SND1: variants seen among roughly 807,000 people sequenced by gnomAD.
SND1 encodes the protein staphylococcal nuclease domain-containing protein 1.
A neutral mutation model predicts 121.7 loss-of-function variants in SND1; 38 were observed. That is an observed-to-expected ratio of 0.31 (90% CI 0.24 to 0.41). SND1 has a LOEUF of 0.41. Ranked by LOEUF, SND1 falls within the 10% of genes least tolerant of loss-of-function variation. The pLI is 1.00. For synonymous variants in SND1, 401 were observed against 447.4 expected, an observed-to-expected ratio of 0.90 and a Z score of 1.31; for missense variants, 868 against 1,184.6, an observed-to-expected ratio of 0.73 and a Z score of 3.92.
intron 16 of SND1, among the ~76,000 whole-genome samples, chr7:128,010,113 A>T (rs192778025): frequency 2.6e-5 from 4 of 152,340 alleles, no homozygotes; most frequent in African/African-American, 9.6e-5. Flanking sequence ...GAATTCCCAG[A>T]TCATCCAGGC....
At chr7:127,862,718 C>T (rs190036813) in intron 12 of SND1, among the ~76,000 whole-genome samples, 1 of 152,274 alleles carries the variant, frequency 6.6e-6, no homozygotes, top group East Asian at 1.9e-4. Context: ...TGAATCTTGC[C>T]TCTGTAGTGG....
intron 10 of SND1, among the ~76,000 whole-genome samples, chr7:127,789,304 T>C (rs1797868785): frequency 6.6e-6 from 1 of 152,178 alleles, no homozygotes; most frequent in Non-Finnish European, 1.5e-5. Flanking sequence ...ATTAACCCAG[T>C]TAAGAAGCTT....
intron 10 of SND1, among the ~76,000 whole-genome samples, chr7:127,762,798 C>T (rs567954943): frequency 6.6e-6 from 1 of 152,298 alleles, no homozygotes; most frequent in East Asian, 1.9e-4. Flanking sequence ...GTAGCTGTTA[C>T]AGGTTTGTAA....
At chr7:127,725,960 G>A (rs1587622619) in intron 10 of SND1, among the ~76,000 whole-genome samples, 1 of 152,080 alleles carries the variant, frequency 6.6e-6, no homozygotes, top group East Asian at 1.9e-4. Flanking sequence ...TTCTTCCTCC[G>A]AGACAACTCT....
intron 14 of SND1, among the ~76,000 whole-genome samples, chr7:127,921,442 G>C (rs1005145486): frequency 1.3e-5 from 2 of 152,050 alleles, no homozygotes; most frequent in African/African-American, 4.8e-5. Context: ...ATGAATGGGT[G>C]GTTAATTTTG....
chr7:127,686,851 T>C, intron 2 of SND1, 89 bp downstream of exon 2: 1 of 1,404,870 alleles, frequency 7.1e-7, no homozygotes, highest in Non-Finnish European at 9.8e-7. Context: ...ATGTACTCTT[T>C]CTTTGTATTT....
intron 1 of SND1, among the ~76,000 whole-genome samples, chr7:127,662,706 T>C (rs1326592693): frequency 6.6e-6 from 1 of 152,144 alleles, no homozygotes; most frequent in Non-Finnish European, 1.5e-5. Flanking sequence ...AGACTATTCC[T>C]GAAAGCCACT....
intron 20 of SND1, 185 bp from the exon 21 acceptor site, chr7:128,086,753 G>A (rs1793693924): frequency 1.6e-6 from 1 of 637,868 alleles, no homozygotes; most frequent in Non-Finnish European, 2.8e-6. Context: ...GGACCAGCAG[G>A]GCACGTTCTC....
At position 127,686,606 on chromosome 7, in the gene SND1, T is replaced by C. The variant is rs1451136016; in HGVS notation, c.79-7T>C. 2.5e-6 allele frequency: 4 copies of C among 1,611,556 alleles called. No homozygotes were observed. In the Admixed American group the frequency reaches 5.0e-5, roughly 20 times the overall value. On this transcript the variant is annotated splice_polypyrimidine_tract_variant and splice_region_variant and intron_variant, in intron 1 of 23. Coordinates refer to ENST00000354725, the MANE Select transcript of SND1 (RefSeq NM_014390.4). ...CCATTCATTTTCTCTTTCTTCCCCC[T>C]ACGTAGGTCCTCTCAGGGTGCGCCA... is the stretch of plus-strand genomic sequence containing the variant.
intron 10 of SND1, among the ~76,000 whole-genome samples, chr7:127,776,963 G>A (rs545652036): frequency 6.6e-6 from 1 of 152,304 alleles, no homozygotes; most frequent in African/African-American, 2.4e-5. Context: ...TTCAGGGAAA[G>A]CACATTCCTC....
At chr7:127,987,710 G>A (rs189017254) in intron 15 of SND1, among the ~76,000 whole-genome samples, 1 of 150,964 alleles carries the variant, frequency 6.6e-6, no homozygotes, top group African/African-American at 2.5e-5. Flanking sequence ...TTTCAAACTG[G>A]GTATTTGTCC....
rs914186575 is a variant in SND1 at position 128,044,653 on chromosome 7, C to T, written c.1780-29849C>T. On this transcript the variant is annotated intron_variant, in intron 16 of 23. Coordinates refer to ENST00000354725, the MANE Select transcript of SND1 (RefSeq NM_014390.4). ...CCCCCACCCCCGCCACACACACAGA[C>T]ACACACACACACCTTTTATCCGTCT... Among the ~76,000 whole-genome samples the T allele has an allele frequency of 9.4e-5, 11 of 116,918 alleles. No homozygotes were observed. In the Admixed American group the frequency reaches 1.1e-3, roughly 12 times the overall value. 76.7% of individuals were successfully genotyped at this position (116,918 alleles called of 152,430 possible). A position where few individuals can be genotyped will look rare whatever the true frequency, so the allele number is the denominator to read the frequency against.
chr7:128,073,292 T>G (rs544384878), intron 16 of SND1, among the ~76,000 whole-genome samples: 1 of 152,332 alleles, frequency 6.6e-6, no homozygotes, highest in East Asian at 1.9e-4. Flanking sequence ...ATAACTCTAA[T>G]AGACTCCACA....
intron 11 of SND1, among the ~76,000 whole-genome samples, chr7:127,814,464 G>A (rs1798392509): frequency 6.6e-6 from 1 of 152,072 alleles, no homozygotes; most frequent in Non-Finnish European, 1.5e-5. Flanking sequence ...AATATCTTAT[G>A]TTGTAGACGA....
intron 10 of SND1, among the ~76,000 whole-genome samples, chr7:127,797,991 T>C (rs1798056801): frequency 6.6e-6 from 1 of 152,220 alleles, no homozygotes; most frequent in African/African-American, 2.4e-5. Flanking sequence ...TAGCAAGTGC[T>C]TCTGAAATAC....
chr7:127,789,574 C>CA (rs1205560563), intron 10 of SND1, among the ~76,000 whole-genome samples: 1 of 152,180 alleles, frequency 6.6e-6, no homozygotes, highest in Non-Finnish European at 1.5e-5. Flanking sequence ...AGCATGCTGA[C>CA]AGCACCCAAA....
intron 16 of SND1, among the ~76,000 whole-genome samples, chr7:128,009,699 T>C (rs1168838887): frequency 2.0e-5 from 3 of 152,200 alleles, no homozygotes; most frequent in African/African-American, 7.2e-5. Flanking sequence ...ATTCTGGCAA[T>C]GTTAGGTTTG....
intron 12 of SND1, 119 bp downstream of exon 12, chr7:127,844,543 G>GT (rs1799022490): frequency 1.3e-6 from 1 of 763,510 alleles, no homozygotes; most frequent in South Asian, 2.1e-5. Context: ...TAACTCAGTG[G>GT]TTTATAATTT....
At chr7:128,020,361 C>T (rs949342655) in intron 16 of SND1, among the ~76,000 whole-genome samples, 5 of 152,142 alleles carry the variant, frequency 3.3e-5, no homozygotes, top group African/African-American at 4.8e-5. Flanking sequence ...CTGTAAATGG[C>T]GCCCCCTGGA....
Sources: gnomAD v4.1 joint callset for allele counts (sites outside exome capture counted in the v4.1 genomes callset) on GRCh38, gnomAD v4.1.1 for gene constraint, MANE v1.5 for transcripts, NCBI Gene and HGNC (gene_info 2026-07-23, HGNC 2026-07-21) for gene names.